USP54: variants seen among roughly 807,000 people sequenced by gnomAD.
USP54 encodes the protein ubiquitin carboxyl-terminal hydrolase 54.
In USP54, 87 loss-of-function variants were observed where a neutral mutation model predicts 170.5. The observed-to-expected ratio is 0.51, with a 90% CI of 0.43 to 0.61. The LOEUF (loss-of-function observed/expected upper bound fraction) is 0.61. USP54 is among the 20% of genes least tolerant of loss of function. The pLI, the probability that USP54 is intolerant of heterozygous loss-of-function variation, is 0.00. For missense variants in USP54, 1,786 were observed against 2,047.8 expected (o/e 0.87, Z 2.47); for synonymous variants, 655 against 742.8 (o/e 0.88, Z 1.92).
Position 73,536,419 on chromosome 10 carries a change from C to A in USP54, c.994G>T (p.Asp332Tyr). Residue 332 changes from aspartate (D) to tyrosine (Y), a missense_variant, in exon 11 of 24, where the codon GAT becomes TAT. Around this residue, in one of 3 missense-constraint regions of USP54, gnomAD observed 361 missense variants for 455.0 expected, o/e 0.79. Coordinates refer to ENST00000687698, the MANE Select transcript of USP54 (RefSeq NM_001391956.1). ...CCCTTGATGCATTTGGTCACCACAT[C>A]CTTCCATTTGGGCCCAATCTGAACC... is the stretch of plus-strand genomic sequence containing the variant. ...HVKEIGPKWK[D>Y]VVTKCIKGHY... The A allele has an allele frequency of 6.4e-7, 1 of 1,559,682 alleles. No individual in the cohort carries two copies. The highest frequency in any genetic ancestry group is 1.9e-5 in the Admixed American group (1 of 51,544).
intron 22 of USP54, among the ~76,000 whole-genome samples, chr10:73,501,491 T>A (rs1245939135): frequency 6.6e-6 from 1 of 152,130 alleles, no homozygotes; most frequent in East Asian, 1.9e-4. Flanking sequence ...GGCACCTCAT[T>A]TTCCTAAATC....
rs562505935 is a variant in USP54 at position 73,559,516 on chromosome 10, C to T, written c.240+11905G>A. ...TGGAGGTTGCGATGAGCCTAGATTG[C>T]GCCATTGCACTCCAGCCTGGGCAAT... On this transcript the variant is annotated intron_variant, in intron 4 of 23. Transcript: ENST00000687698. Among the ~76,000 whole-genome samples, 6 of 148,870 alleles carry T rather than the reference C, an allele frequency of 4.0e-5. No individual in the cohort carries two copies. In the South Asian group the frequency reaches 8.5e-4, roughly 21 times the overall value.
intron 20 of USP54, among the ~76,000 whole-genome samples, chr10:73,510,027 G>C (rs773545674): frequency 9.9e-5 from 15 of 152,034 alleles, no homozygotes; most frequent in Non-Finnish European, 1.9e-4. Context: ...AAAGGAAAGT[G>C]GGGGAGGTAT....
rs200541469 is a variant in USP54, at chr10:73,575,625, G to A, written c.34C>T (p.Arg12Cys). 3.3e-5 allele frequency: 53 copies of A among 1,609,828 alleles called. No homozygotes were observed. The highest frequency in any genetic ancestry group is 3.9e-5 in the Non-Finnish European group (46 of 1,178,438). ...SWKRNYFSGGRGSVQGMFAPR... is the reference protein window; with the variant it reads ...SWKRNYFSGGCGSVQGMFAPR... ...GCAAACATCCCTTGTACACTACCAC[G>A]ACCCCCTGAAAAATAATTTCTCTTC... The change falls in exon 3 of 24, where the codon CGT (arginine) becomes TGT (cysteine). Residue 12 changes from arginine to cysteine, a missense_variant. Coordinates refer to ENST00000687698, the MANE Select transcript of USP54 (RefSeq NM_001391956.1).
At position 73,516,505 on chromosome 10, in the gene USP54, A is replaced by G. The variant is rs758980059; in HGVS notation, c.3921T>C (p.His1307=). The G allele has an allele frequency of 8.7e-6, 14 of 1,614,144 alleles. No homozygotes were observed. The highest frequency in any genetic ancestry group is 1.6e-4 in the Middle Eastern group (1 of 6,062). The change falls in exon 20 of 24, where the codon CAT becomes CAC. Residue 1307 remains histidine (H), a synonymous_variant. Coordinates refer to ENST00000687698, the MANE Select transcript of USP54 (RefSeq NM_001391956.1). ...TCTCCTGCTCTGTGTCTTGGTTCCA[A>G]TGTGGATGCAAAAGGATGTGATTTC... ...PERNHILLHP[H]WNQDTEQETS...
At chr10:73,557,101 G>A (rs749866597) in intron 4 of USP54, among the ~76,000 whole-genome samples, 3 of 152,078 alleles carry the variant, frequency 2.0e-5, no homozygotes, top group Admixed American at 6.6e-5. Flanking sequence ...TACAGAGGAC[G>A]GATTTCCTAT....
At chr10:73,605,228 C>A (rs1402843271) in intron 1 of USP54, among the ~76,000 whole-genome samples, 1 of 152,134 alleles carries the variant, frequency 6.6e-6, no homozygotes, top group South Asian at 2.1e-4. Flanking sequence ...CCATGCCTGG[C>A]TAATTTTTTG....
chr10:73,616,335 C>CAAAAAAA (rs60197778), intron 1 of USP54, among the ~76,000 whole-genome samples: 5 of 25,774 alleles, frequency 1.9e-4, no homozygotes, highest in African/African-American at 7.1e-4. Context: ...GACTCCATCT[C>CAAAAAAA]AAAAAAAAAA....
chr10:73,623,693 T>C (rs1032078018), intron 1 of USP54, among the ~76,000 whole-genome samples: 1 of 152,178 alleles, frequency 6.6e-6, no homozygotes, highest in African/African-American at 2.4e-5. Context: ...TCAACTACTA[T>C]ATAAACTCTT....
At chr10:73,556,955 GAGA>G (rs2071248374) in intron 4 of USP54, among the ~76,000 whole-genome samples, 1 of 152,188 alleles carries the variant, frequency 6.6e-6, no homozygotes, top group African/African-American at 2.4e-5. Flanking sequence ...ATCACTAATT[GAGA>G]AGATTTGTTT....
At chr10:73,521,479 G>C (rs1173443226) in intron 17 of USP54, among the ~76,000 whole-genome samples, 2 of 152,176 alleles carry the variant, frequency 1.3e-5, no homozygotes, top group Admixed American at 1.3e-4. Flanking sequence ...CAACTAAGAC[G>C]TTCACTGCTA....
chr10:73,553,312 T>C (rs1158950919), intron 4 of USP54: 2 of 152,220 alleles, frequency 1.3e-5, no homozygotes, highest in Non-Finnish European at 2.9e-5. Context: ...ATTTTAATTA[T>C]TGTTGTCAGT....
At chr10:73,599,920 A>C (rs1171979681) in intron 1 of USP54, among the ~76,000 whole-genome samples, 3 of 95,468 alleles carry the variant, frequency 3.1e-5, no homozygotes, top group Non-Finnish European at 6.0e-5. Context: ...TTTTTTTTTG[A>C]GATAGAGTTT....
intron 4 of USP54, among the ~76,000 whole-genome samples, chr10:73,547,657 G>A (rs533805663): frequency 6.6e-6 from 1 of 152,162 alleles, no homozygotes; most frequent in Non-Finnish European, 1.5e-5. Context: ...AATAAATGGT[G>A]CTGGGAAAAC....
chr10:73,600,059 G>A (rs983988360), intron 1 of USP54, among the ~76,000 whole-genome samples: 1 of 151,810 alleles, frequency 6.6e-6, no homozygotes, highest in African/African-American at 2.4e-5. Context: ...GCACCACCAC[G>A]CTCAGCTAAT....
intron 20 of USP54, among the ~76,000 whole-genome samples, chr10:73,508,907 C>T (rs965772589): frequency 5.3e-5 from 8 of 151,244 alleles, no homozygotes; most frequent in Admixed American, 5.3e-4. Context: ...ACCTCGTGAT[C>T]TGCCCACCTT....
chr10:73,510,322 G>T, intron 20 of USP54, among the ~76,000 whole-genome samples: 1 of 152,020 alleles, frequency 6.6e-6, no homozygotes, highest in Non-Finnish European at 1.5e-5. Context: ...GAGATAGAAC[G>T]AGACCTCGTC....
chr10:73,524,835 G>A (rs529933031), intron 16 of USP54, among the ~76,000 whole-genome samples: 2 of 152,304 alleles, frequency 1.3e-5, no homozygotes, highest in Non-Finnish European at 2.9e-5. Context: ...AAATAATGGA[G>A]CTAAATTAAA....
chr10:73,565,145 A>C (rs16930700), intron 4 of USP54, among the ~76,000 whole-genome samples: 4,765 of 152,180 alleles, frequency 0.031, 208 homozygotes, highest in East Asian at 0.22. Flanking sequence ...ATCCCTACTT[A>C]TCTTTAGTGA....
Sources: gnomAD v4.1 joint callset for allele counts (sites outside exome capture counted in the v4.1 genomes callset) on GRCh38, gnomAD v4.1.1 for gene constraint, gnomAD v4.1.1 regional missense constraint, MANE v1.5 for transcripts, NCBI Gene and HGNC (gene_info 2026-07-23, HGNC 2026-07-21) for gene names.